Variants in CNOT7 observed in about 807,000 individuals in gnomAD.
The protein encoded by CNOT7 is CCR4-NOT transcription complex subunit 7.
Under a neutral mutation model 37.1 loss-of-function variants are expected in CNOT7, and 4 were observed. The ratio of observed to expected loss-of-function variants is 0.11; its 90% CI spans 0.05 to 0.25. The LOEUF (loss-of-function observed/expected upper bound fraction) is 0.25, where lower values mean the gene tolerates loss of function less well. CNOT7 is among the 10% of genes least tolerant of loss of function. The pLI is 1.00. For synonymous variants in CNOT7, 128 were observed against 115.6 expected, an observed-to-expected ratio of 1.11 and a Z score of -0.69; for missense variants, 170 against 336.2, an observed-to-expected ratio of 0.51 and a Z score of 3.87.
rs548769689 is a variant in CNOT7, at chr8:17,233,978, C to T, written c.618+738G>A. Among the ~76,000 whole-genome samples the T allele has an allele frequency of 3.3e-5, 5 of 152,194 alleles. No homozygotes were observed. In the East Asian group the frequency reaches 7.7e-4, roughly 24 times the overall value. On this transcript the variant is annotated intron_variant, in intron 5 of 6. Transcript: ENST00000361272. ...CTGAGGCAGGAGAATCACTTGAACC[C>T]GGGAGGCGGAGGTTGCAGTGAGCCG... is the stretch of plus-strand genomic sequence containing the variant.
chr8:17,244,821 A>C, intron 2 of CNOT7: 1 of 465,228 alleles, frequency 2.1e-6, no homozygotes, highest in South Asian at 2.9e-5. Flanking sequence ...CATGAATTCC[A>C]GTGCGTTTTC....
At chr8:17,238,842 C>T (rs181473309) in intron 3 of CNOT7, among the ~76,000 whole-genome samples, 59 of 152,300 alleles carry the variant, frequency 3.9e-4, no homozygotes, top group Admixed American at 7.2e-4. Flanking sequence ...TTTACATCTA[C>T]GTATGTGAAG....
chr8:17,246,815 G>A lies in CNOT7; in HGVS notation c.-236C>T. The A allele has an allele frequency of 9.4e-6, 2 of 213,004 alleles. No homozygotes were observed. Among genetic ancestry groups the A allele is most frequent in the Non-Finnish European group, 1.9e-5 (2 of 103,842 alleles). The allele number at this position is 213,004 out of a possible 1,614,324, so 13.2% of individuals were successfully genotyped here. On this transcript the variant is annotated 5_prime_UTR_variant, in exon 1 of 7. Transcript: ENST00000361272. ...TCTCGCCCAGCGAAGGGAAAGGCGA[G>A]CAGGAGCTGCGCCGCACCGTGCTGC...
chr8:17,243,433 A>C lies in CNOT7; in HGVS notation c.118-248T>G, dbSNP rs1439833539. ...GAGATACATGTGATAAATTTAACCA[A>C]ATACTTACTCTATAACCAAGAAAGG... On this transcript the variant is annotated intron_variant, in intron 2 of 6. Transcript: ENST00000361272. 1.5e-5 allele frequency: 9 copies of C among 619,744 alleles called. No individual in the cohort carries two copies. In the African/African-American group the frequency reaches 1.6e-4, roughly 11 times the overall value. The allele number at this position is 619,744 out of a possible 1,614,324, so 38.4% of individuals were successfully genotyped here. A position where few individuals can be genotyped will look rare whatever the true frequency, so the allele number is the denominator to read the frequency against.
chr8:17,231,480 G>T, intron 6 of CNOT7: 1 of 970,114 alleles, frequency 1.0e-6, no homozygotes, highest in Non-Finnish European at 1.2e-6. Context: ...GTCATGAATG[G>T]ATAGTCCAAA....
rs1322728324 is a variant in CNOT7, at chr8:17,225,262, GAGAA to G, written c.*5454_*5457del. 6.6e-6 allele frequency: 1 copy of G among 151,620 alleles called. No homozygotes were observed. Among genetic ancestry groups the G allele is most frequent in the Non-Finnish European group, 1.5e-5 (1 of 67,642 alleles). The allele number at this position is 151,620 out of a possible 1,614,324, so 9.4% of individuals were successfully genotyped here. On this transcript the variant is annotated 3_prime_UTR_variant, in exon 7 of 7. Coordinates refer to ENST00000361272, the MANE Select transcript of CNOT7 (RefSeq NM_013354.7). ...CTAAATAAAGATTCTTATCTTTTGG[GAGAA>G]AGAGCCAAAACAGAAGGGTGTGAAA...
At chr8:17,241,737 G>A (rs1454041443) in intron 3 of CNOT7, 1 of 151,994 alleles carries the variant, frequency 6.6e-6, no homozygotes, top group African/African-American at 2.4e-5. Context: ...GCCAAAAGAT[G>A]GATAACGAAA....
At chr8:17,236,208 C>T (rs1809339118) in intron 4 of CNOT7, among the ~76,000 whole-genome samples, 1 of 152,172 alleles carries the variant, frequency 6.6e-6, no homozygotes, top group South Asian at 2.1e-4. Flanking sequence ...CAGTCCTTCA[C>T]TATAAACATC....
At chr8:17,243,986 C>A (rs1462539161) in intron 2 of CNOT7, among the ~76,000 whole-genome samples, 1 of 152,116 alleles carries the variant, frequency 6.6e-6, no homozygotes, top group East Asian at 1.9e-4. Context: ...AGAATTCAAA[C>A]TAGGGCTAGC....
intron 4 of CNOT7, among the ~76,000 whole-genome samples, chr8:17,236,332 A>G (rs151157109): frequency 1.0e-3 from 155 of 152,280 alleles, no homozygotes; most frequent in South Asian, 7.5e-3. Flanking sequence ...CTTTTTCAAA[A>G]CCTAACAAAA....
At chr8:17,238,068 A>G (rs1809622169) in intron 3 of CNOT7, among the ~76,000 whole-genome samples, 1 of 152,250 alleles carries the variant, frequency 6.6e-6, no homozygotes, top group Non-Finnish European at 1.5e-5. Flanking sequence ...ACTTAAGCCA[A>G]AAAGAAAGCC....
intron 4 of CNOT7, among the ~76,000 whole-genome samples, chr8:17,236,943 G>A (rs925596835): frequency 6.6e-5 from 10 of 152,128 alleles, no homozygotes; most frequent in African/African-American, 9.7e-5. Context: ...AAATGGCGCC[G>A]CTGGATTTAA....
intron 3 of CNOT7, among the ~76,000 whole-genome samples, chr8:17,238,933 G>A (rs1288886120): frequency 6.6e-6 from 1 of 152,136 alleles, no homozygotes; most frequent in Admixed American, 6.5e-5. Flanking sequence ...GCTATTCCAT[G>A]CCATTCCTCA....
At position 17,228,292 on chromosome 8, in the gene CNOT7, A is replaced by C. The variant is rs1808286575; in HGVS notation, c.*2428T>G. ...TTAATTAATGGCTCAGTAACACTAA[A>C]ATATCAGCCAAATATCTTACATCTG... On this transcript the variant is annotated 3_prime_UTR_variant, in exon 7 of 7. Transcript: ENST00000361272. The C allele has an allele frequency of 6.6e-6, 1 of 151,900 alleles. No homozygotes were observed. The highest frequency in any genetic ancestry group is 1.5e-5 in the Non-Finnish European group (1 of 67,820). The allele number at this position is 151,900 out of a possible 1,614,324, so 9.4% of individuals were successfully genotyped here. A position where few individuals can be genotyped will look rare whatever the true frequency, so the allele number is the denominator to read the frequency against.
intron 4 of CNOT7, 88 bp downstream of exon 4, chr8:17,237,124 C>G: frequency 7.7e-7 from 1 of 1,307,012 alleles, no homozygotes; most frequent in Non-Finnish European, 1.1e-6. Flanking sequence ...CAGAATTAAA[C>G]CTGAAATTGC....
chr8:17,235,114 C>G (rs1484304596), intron 4 of CNOT7, among the ~76,000 whole-genome samples: 3 of 152,098 alleles, frequency 2.0e-5, no homozygotes, highest in African/African-American at 7.2e-5. Flanking sequence ...CCAAACCAGC[C>G]TATGGTCAAT....
At chr8:17,237,925 C>A (rs964483401) in intron 3 of CNOT7, among the ~76,000 whole-genome samples, 4 of 152,232 alleles carry the variant, frequency 2.6e-5, no homozygotes, top group African/African-American at 4.8e-5. Context: ...GCAAATGCCT[C>A]CAATAAGCAA....
intron 2 of CNOT7, chr8:17,243,601 G>A (rs1471633509): frequency 2.2e-6 from 1 of 458,018 alleles, no homozygotes; most frequent in South Asian, 1.5e-5. Context: ...TCTGACACAA[G>A]GTTTTTCTCA....
chr8:17,239,518 C>T (rs554266616), intron 3 of CNOT7, among the ~76,000 whole-genome samples: 3 of 152,296 alleles, frequency 2.0e-5, no homozygotes, highest in East Asian at 3.9e-4. Flanking sequence ...TTTTTTGAGA[C>T]GGAGTCTCAC....
Sources: gnomAD v4.1 joint callset for allele counts (sites outside exome capture counted in the v4.1 genomes callset) on GRCh38, gnomAD v4.1.1 for gene constraint, MANE v1.5 for transcripts, NCBI Gene and HGNC (gene_info 2026-07-23, HGNC 2026-07-21) for gene names.